TRPC5: variants seen among roughly 807,000 people sequenced by gnomAD.
TRPC5 encodes the protein transient receptor potential cation channel subfamily C member 5.
A neutral mutation model predicts 56.5 loss-of-function variants in TRPC5; 9 were observed. The observed-to-expected ratio is 0.16, with a 90% CI of 0.10 to 0.28. The LOEUF (loss-of-function observed/expected upper bound fraction) is 0.28. Among genes scored for constraint, TRPC5 ranks in the 10% least tolerant of loss-of-function variants. The pLI is 1.00. For synonymous variants in TRPC5, 282 were observed against 278.5 expected, an observed-to-expected ratio of 1.01 and a Z score of -0.13; for missense variants, 469 against 748.9, an observed-to-expected ratio of 0.63 and a Z score of 4.36.
chrX:111,896,720 T>A lies in TRPC5; in HGVS notation c.900+15571A>T, dbSNP rs142760999. Among the ~76,000 whole-genome samples the A allele has an allele frequency of 5.7e-3, 640 of 111,849 alleles. 2 individuals carry two copies. The highest frequency in any genetic ancestry group is 0.02 in the African/African-American group (601 of 30,793). On this transcript the variant is annotated intron_variant, in intron 3 of 10. Transcript: ENST00000262839. ...GAGAATGAGATGTCAGCTCTGGCCC[T>A]GAATAAGGCAAATTTGCTCCTGTAG... is the stretch of plus-strand genomic sequence containing the variant.
chrX:112,061,504 CAG>C (rs1171537161), intron 1 of TRPC5, among the ~76,000 whole-genome samples: 2 of 111,768 alleles, frequency 1.8e-5, no homozygotes, highest in Admixed American at 1.9e-4. Flanking sequence ...GGGCCTGAAA[CAG>C]AGTTGAAGCA....
At chrX:111,804,450 C>T (rs778884703) in intron 7 of TRPC5, among the ~76,000 whole-genome samples, 3 of 111,765 alleles carry the variant, frequency 2.7e-5, no homozygotes, top group Non-Finnish European at 5.6e-5. Flanking sequence ...GGCAGTATGG[C>T]CATTTTCATG....
chrX:111,833,011 G>C (rs1922456869), intron 7 of TRPC5, among the ~76,000 whole-genome samples: 1 of 111,352 alleles, frequency 9.0e-6, no homozygotes, highest in African/African-American at 3.3e-5. Context: ...TCTTTGGCAG[G>C]GGTGAAGGAT....
intron 3 of TRPC5, among the ~76,000 whole-genome samples, chrX:111,887,089 T>G (rs1013830381): frequency 1.8e-5 from 2 of 112,495 alleles, no homozygotes. Context: ...AGTTAGTGGC[T>G]TAGATGGTGG....
intron 6 of TRPC5, among the ~76,000 whole-genome samples, chrX:111,841,150 T>C (rs1044756187): frequency 8.9e-6 from 1 of 112,114 alleles, no homozygotes; most frequent in Non-Finnish European, 1.9e-5. Flanking sequence ...AGGAAAATAT[T>C]GGCTGAATGA....
chrX:111,982,807 G>T (rs1444698335), intron 1 of TRPC5, among the ~76,000 whole-genome samples: 1 of 111,204 alleles, frequency 9.0e-6, no homozygotes, highest in Non-Finnish European at 1.9e-5. Context: ...CAAAAATCTT[G>T]CTAGTGGGTT....
chrX:111,903,839 G>C (rs1925482127), intron 3 of TRPC5: 1 of 112,161 alleles, frequency 8.9e-6, no homozygotes, highest in Admixed American at 9.4e-5. Flanking sequence ...TATGTGGGGA[G>C]TTGTGCCTAT....
At chrX:112,009,250 G>T (rs960994278) in intron 1 of TRPC5, among the ~76,000 whole-genome samples, 1 of 111,456 alleles carries the variant, frequency 9.0e-6, no homozygotes, top group Non-Finnish European at 1.9e-5. Flanking sequence ...GATTGCGGGG[G>T]CCAAACCGGG....
At chrX:112,035,958 C>CACAT (rs1556610546) in intron 1 of TRPC5, among the ~76,000 whole-genome samples, 55 of 108,620 alleles carry the variant, frequency 5.1e-4, no homozygotes, top group African/African-American at 9.1e-4. Flanking sequence ...TACACACACA[C>CACAT]ATATATATAT....
intron 1 of TRPC5, among the ~76,000 whole-genome samples, chrX:111,953,187 T>G (rs1490492831): frequency 8.9e-6 from 1 of 112,124 alleles, no homozygotes; most frequent in Non-Finnish European, 1.9e-5. Context: ...GTACCCTCTG[T>G]GCCTGCTCAT....
At chrX:112,011,818 G>A (rs1279116882) in intron 1 of TRPC5, among the ~76,000 whole-genome samples, 1 of 111,985 alleles carries the variant, frequency 8.9e-6, no homozygotes, top group East Asian at 2.8e-4. Flanking sequence ...ACCCTGGAGG[G>A]ATATGTTCCA....
chrX:111,868,862 T>C (rs954587440), intron 3 of TRPC5, among the ~76,000 whole-genome samples: 2 of 111,837 alleles, frequency 1.8e-5, no homozygotes, highest in African/African-American at 6.5e-5. Flanking sequence ...TGGCTGCACA[T>C]AGAAATGGGC....
chrX:112,036,028 C>T (rs991605663), intron 1 of TRPC5, among the ~76,000 whole-genome samples: 2 of 110,735 alleles, frequency 1.8e-5, no homozygotes, highest in Non-Finnish European at 3.8e-5. Context: ...AGCCAGCTGT[C>T]TGAAACTGCC....
At chrX:111,827,823 T>G (rs899219166) in intron 7 of TRPC5, among the ~76,000 whole-genome samples, 5 of 111,315 alleles carry the variant, frequency 4.5e-5, no homozygotes, top group Non-Finnish European at 7.5e-5. Flanking sequence ...CTCAAAACCC[T>G]CCCATGGCTC....
chrX:111,936,548 T>C (rs1229417649), intron 2 of TRPC5, among the ~76,000 whole-genome samples: 5 of 108,253 alleles, frequency 4.6e-5, no homozygotes, highest in South Asian at 8.6e-4. Flanking sequence ...CCTGTGTCCA[T>C]GTGTTCTCAT....
intron 1 of TRPC5, among the ~76,000 whole-genome samples, chrX:112,055,206 G>A (rs1450207347): frequency 8.9e-6 from 1 of 112,161 alleles, no homozygotes; most frequent in Non-Finnish European, 1.9e-5. Context: ...AGGGATTGAG[G>A]AGAAACTTAG....
chrX:112,040,951 C>T (rs930324231), intron 1 of TRPC5, among the ~76,000 whole-genome samples: 1 of 112,276 alleles, frequency 8.9e-6, no homozygotes, highest in Non-Finnish European at 1.9e-5. Context: ...TTTGCTGCCA[C>T]AGACAGAGTG....
intron 1 of TRPC5, among the ~76,000 whole-genome samples, chrX:111,967,259 A>C (rs1255861683): frequency 7.2e-5 from 8 of 111,543 alleles, no homozygotes; most frequent in Middle Eastern, 9.3e-3. Flanking sequence ...ATACCAAGGA[A>C]TCCAACTTAC....
chrX:111,994,544 A>G (rs991991172), intron 1 of TRPC5, among the ~76,000 whole-genome samples: 1 of 111,507 alleles, frequency 9.0e-6, no homozygotes, highest in Non-Finnish European at 1.9e-5. Flanking sequence ...AGCATGGAAT[A>G]TTCTTCCATT....
Sources: allele counts gnomAD v4.1 joint callset (sites outside exome capture counted in the v4.1 genomes callset), GRCh38; gene constraint gnomAD v4.1.1; transcripts MANE v1.5; gene names NCBI Gene and HGNC (gene_info 2026-07-23, HGNC 2026-07-21).